The following SRGAP1 variants were observed in gnomAD, a reference collection of about 807,000 sequenced individuals.
The protein encoded by SRGAP1 is SLIT-ROBO Rho GTPase activating protein 1.
Under a neutral mutation model 121.9 loss-of-function variants are expected in SRGAP1, and 43 were observed. That is an observed-to-expected ratio of 0.35 (90% CI 0.28 to 0.46). The LOEUF (loss-of-function observed/expected upper bound fraction) is 0.46. SRGAP1 is among the 20% of genes least tolerant of loss of function. The pLI is 1.00. For missense variants in SRGAP1, 1,102 were observed against 1,350.9 expected, an observed-to-expected ratio of 0.82 and a Z score of 2.89; for synonymous variants, 447 against 485.4, an observed-to-expected ratio of 0.92 and a Z score of 1.04.
Position 63,887,720 on chromosome 12 carries a change from G to A in SRGAP1, c.67+42837G>A, listed in dbSNP as rs1329111668. On this transcript the variant is annotated intron_variant, in intron 1 of 21. Coordinates refer to ENST00000355086, the MANE Select transcript of SRGAP1 (RefSeq NM_020762.4). ...CCACACTCTCCCCCGGGAATCATGT[G>A]CTGTTAGTTCAAGGAACAGAATCTA... The A allele has an allele frequency of 2.0e-5, 3 of 152,222 alleles. No homozygotes were observed. In the East Asian group the frequency reaches 5.8e-4, roughly 29 times the overall value. 9.4% of individuals were successfully genotyped at this position (152,222 alleles called of 1,614,324 possible). A position where few individuals can be genotyped will look rare whatever the true frequency, so the allele number is the denominator to read the frequency against.
chr12:63,940,739 C>T (rs546643283), intron 1 of SRGAP1, among the ~76,000 whole-genome samples: 10 of 152,270 alleles, frequency 6.6e-5, no homozygotes, highest in East Asian at 1.9e-4. Flanking sequence ...TTTGTGCCTC[C>T]GTTTGTTTCT....
rs1437017356 is a variant in SRGAP1, at chr12:64,091,321, G to A, written c.1482G>A (p.Arg494=). ...AGCCCCAGAAACACAGGAAGTCCAG[G>A]CCCCGCTCACAGTATAATACTAAGT... The part of the protein sequence containing the change: ...PPKPQKHRKS[R]PRSQYNTKLF... The change falls in exon 12 of 22, where the codon AGG becomes AGA. Residue 494 remains arginine, a synonymous_variant. Coordinates refer to ENST00000355086, the MANE Select transcript of SRGAP1 (RefSeq NM_020762.4). 22 of 1,610,852 alleles carry A rather than the reference G, an allele frequency of 1.4e-5. 1 individual carries two copies. In the Admixed American group the frequency reaches 3.7e-4, roughly 27 times the overall value.
intron 1 of SRGAP1, among the ~76,000 whole-genome samples, chr12:63,944,865 C>A (rs1311992461): frequency 1.3e-5 from 2 of 152,194 alleles, no homozygotes; most frequent in Non-Finnish European, 2.9e-5. Flanking sequence ...CACAAAGTGC[C>A]CTGCTAGCTC....
intron 1 of SRGAP1, among the ~76,000 whole-genome samples, chr12:63,919,518 A>G (rs747322104): frequency 1.3e-5 from 2 of 148,610 alleles, no homozygotes; most frequent in African/African-American, 5.2e-5. Context: ...ATATATATAT[A>G]TATACACATA....
chr12:64,152,302 G>T lies in SRGAP1; in HGVS notation c.*9630G>T, dbSNP rs1454697432. The T allele has an allele frequency of 6.6e-6, 1 of 152,138 alleles. No homozygotes were observed. Among genetic ancestry groups the T allele is most frequent in the Non-Finnish European group, 1.5e-5 (1 of 68,030 alleles). 9.4% of individuals were successfully genotyped at this position (152,138 alleles called of 1,614,324 possible). On this transcript the variant is annotated 3_prime_UTR_variant, in exon 22 of 22. Coordinates refer to ENST00000355086, the MANE Select transcript of SRGAP1 (RefSeq NM_020762.4). ...TGCCCTGGTCACACAGCTAGATAGTGACAGAGCAGGATTTGATTCCACGCC... is the reference window on the plus strand; with the variant it reads ...TGCCCTGGTCACACAGCTAGATAGTTACAGAGCAGGATTTGATTCCACGCC...
At position 64,160,890 on chromosome 12, in the gene SRGAP1, G is replaced by A. The variant is rs755632957; in HGVS notation, c.*18218G>A. 9.2e-5 allele frequency: 14 copies of A among 152,192 alleles called. No homozygotes were observed. Among genetic ancestry groups the A allele is most frequent in the Non-Finnish European group, 1.6e-4 (11 of 68,034 alleles). 9.4% of individuals were successfully genotyped at this position (152,192 alleles called of 1,614,324 possible). ...TGAATCATTTCCCCTCAGGATTTTG[G>A]AGATGTTGCATCAGTGTTGCTACCG... On this transcript the variant is annotated 3_prime_UTR_variant, in exon 22 of 22. Coordinates refer to ENST00000355086, the MANE Select transcript of SRGAP1 (RefSeq NM_020762.4).
intron 1 of SRGAP1, among the ~76,000 whole-genome samples, chr12:63,923,579 C>G (rs2031148412): frequency 6.6e-6 from 1 of 152,178 alleles, no homozygotes; most frequent in African/African-American, 2.4e-5. Context: ...TCAAAATTAT[C>G]TGCTTCCGAA....
At position 63,916,527 on chromosome 12, in the gene SRGAP1, G is replaced by A. The variant is rs80023191; in HGVS notation, c.68-67420G>A. Among the ~76,000 whole-genome samples the A allele has an allele frequency of 4.3e-3, 657 of 152,274 alleles. 8 individuals are homozygous for A. The highest frequency in any genetic ancestry group is 0.015 in the African/African-American group (608 of 41,558). On this transcript the variant is annotated intron_variant, in intron 1 of 21. Coordinates refer to ENST00000355086, the MANE Select transcript of SRGAP1 (RefSeq NM_020762.4). ...GACGCTGGGAAAACAAATGTCATCC[G>A]TGGTCTTGAGATGCTAAAAGTTTAA...
At chr12:64,085,054 G>A (rs2035913628) in intron 10 of SRGAP1, among the ~76,000 whole-genome samples, 1 of 152,082 alleles carries the variant, frequency 6.6e-6, no homozygotes, top group African/African-American at 2.4e-5. Flanking sequence ...TTTAAAGGTG[G>A]TACATTATAG....
chr12:64,030,494 G>T (rs1050836190), intron 4 of SRGAP1, among the ~76,000 whole-genome samples: 3 of 152,170 alleles, frequency 2.0e-5, no homozygotes, highest in Non-Finnish European at 4.4e-5. Context: ...TTTAGGGTAA[G>T]TTGATCCTTT....
intron 1 of SRGAP1, among the ~76,000 whole-genome samples, chr12:63,919,521 T>TATATATATATAC (rs1491241907): frequency 2.2e-5 from 3 of 139,072 alleles, no homozygotes; most frequent in African/African-American, 8.4e-5. Flanking sequence ...TATATATATA[T>TATATATATATAC]ACACATACAC....
chr12:63,916,280 C>T (rs1266438302), intron 1 of SRGAP1, among the ~76,000 whole-genome samples: 1 of 152,102 alleles, frequency 6.6e-6, no homozygotes, highest in Non-Finnish European at 1.5e-5. Context: ...CCACCTTGAC[C>T]TCCCAAAGTG....
intron 3 of SRGAP1, 146 bp downstream of exon 3, chr12:63,990,218 GTT>G (rs1438520511): frequency 2.9e-6 from 2 of 689,594 alleles, no homozygotes; most frequent in Non-Finnish European, 2.4e-6. Context: ...ATGAATGGAT[GTT>G]TTAAAGACAC....
At chr12:64,040,079 G>A (rs1555168635) in intron 4 of SRGAP1, among the ~76,000 whole-genome samples, 1 of 152,102 alleles carries the variant, frequency 6.6e-6, no homozygotes, top group African/African-American at 2.4e-5. Context: ...ATGAAAATAA[G>A]TAAAGGTTCT....
chr12:63,992,295 A>G (rs2033576146), intron 3 of SRGAP1, among the ~76,000 whole-genome samples: 1 of 152,214 alleles, frequency 6.6e-6, no homozygotes, highest in African/African-American at 2.4e-5. Context: ...ACAGATTTGG[A>G]TTTAAATCCC....
chr12:63,899,429 T>C (rs1900860386), intron 1 of SRGAP1, among the ~76,000 whole-genome samples: 2 of 152,200 alleles, frequency 1.3e-5, no homozygotes, highest in Non-Finnish European at 2.9e-5. Context: ...CAATTAAATT[T>C]AACAGAGTTT....
At position 64,153,541 on chromosome 12, in the gene SRGAP1, A is replaced by G. The variant is rs1001010771; in HGVS notation, c.*10869A>G. ...TCAAGGAAAGCCATTGGAAGTTTCC[A>G]AAAAGGAACATGACAGCATCTATAT... On this transcript the variant is annotated 3_prime_UTR_variant, in exon 22 of 22. Coordinates refer to ENST00000355086, the MANE Select transcript of SRGAP1 (RefSeq NM_020762.4). The G allele has an allele frequency of 1.7e-4, 26 of 152,092 alleles. No homozygotes were observed. Among genetic ancestry groups the G allele is most frequent in the African/African-American group, 6.0e-4 (25 of 41,402 alleles). 9.4% of individuals were successfully genotyped at this position (152,092 alleles called of 1,614,324 possible).
chr12:63,990,816 G>A (rs1344279808), intron 3 of SRGAP1, among the ~76,000 whole-genome samples: 1 of 152,196 alleles, frequency 6.6e-6, no homozygotes, highest in Non-Finnish European at 1.5e-5. Context: ...ATTATTACAT[G>A]TGCTACTCTC....
rs777749071 is a variant in SRGAP1 at position 64,128,101 on chromosome 12, C to T, written c.2781C>T (p.Leu927=). 2 of 1,614,028 alleles carry T rather than the reference C, an allele frequency of 1.2e-6. No homozygotes were observed. The highest frequency in any genetic ancestry group is 3.3e-5 in the Admixed American group (2 of 60,008). The change falls in exon 21 of 22, where the codon CTC becomes CTT. Residue 927 remains leucine, a synonymous_variant. Transcript: ENST00000355086. ...CCAACATCAGCCGGCACGACTCCCT[C>T]AAGAAGATCGACAGCCCTCCCATTA... ...SLTNISRHDS[L]KKIDSPPIRR... is the part of the protein sequence containing the mutation.
Sources: allele counts gnomAD v4.1 joint callset (sites outside exome capture counted in the v4.1 genomes callset), GRCh38; gene constraint gnomAD v4.1.1; transcripts MANE v1.5; gene names NCBI Gene and HGNC (gene_info 2026-07-23, HGNC 2026-07-21).